The following KIAA1958 variants were observed in gnomAD, a reference collection of about 807,000 sequenced individuals.
KIAA1958 encodes uncharacterized protein KIAA1958.
In KIAA1958, 14 loss-of-function variants were observed where a neutral mutation model predicts 47.2. That is an observed-to-expected ratio of 0.30 (90% CI 0.20 to 0.46). The LOEUF (loss-of-function observed/expected upper bound fraction) is 0.46. Among genes scored for constraint, KIAA1958 ranks in the 20% least tolerant of loss-of-function variants. The probability of loss-of-function intolerance (pLI) is 1.00; values close to 1 mark genes in which losing one functional copy is unlikely to be tolerated. For missense variants in KIAA1958, 803 were observed against 909.2 expected (o/e 0.88, Z 1.50); for synonymous variants, 354 against 353.3 (o/e 1.00, Z -0.02).
At chr9:112,573,072 C>T (rs1159932162) in intron 1 of KIAA1958, among the ~76,000 whole-genome samples, 1 of 152,164 alleles carries the variant, frequency 6.6e-6, no homozygotes, top group Non-Finnish European at 1.5e-5. Context: ...TTGGCAGAGC[C>T]TTACTAACCT....
chr9:112,590,378 T>C (rs1028882671), intron 2 of KIAA1958, among the ~76,000 whole-genome samples: 6 of 146,208 alleles, frequency 4.1e-5, no homozygotes, highest in Non-Finnish European at 9.0e-5. Flanking sequence ...TGAGACGGAA[T>C]GTCACTCTTG....
chr9:112,647,172 A>G (rs1836989094), intron 3 of KIAA1958, among the ~76,000 whole-genome samples: 1 of 148,676 alleles, frequency 6.7e-6, no homozygotes, highest in Non-Finnish European at 1.5e-5. Context: ...CATGGGACCA[A>G]AAAAAAAAAA....
chr9:112,608,059 G>A (rs1417856687), intron 2 of KIAA1958, among the ~76,000 whole-genome samples: 3 of 152,202 alleles, frequency 2.0e-5, no homozygotes, highest in African/African-American at 7.2e-5. Flanking sequence ...ATGGAGAGTG[G>A]CAAAACACTT....
intron 1 of KIAA1958, among the ~76,000 whole-genome samples, chr9:112,525,975 C>T (rs1564159486): frequency 1.7e-3 from 4 of 2,392 alleles, no homozygotes; most frequent in African/African-American, 5.4e-3. Context: ...TCTTCTTCTT[C>T]TTCTTCTTCT....
rs1837378267 is a variant in KIAA1958 at position 112,668,379 on chromosome 9, G to A, written c.*8310G>A. 6.6e-6 allele frequency: 1 copy of A among 152,220 alleles called. No individual in the cohort carries two copies. The highest frequency in any genetic ancestry group is 2.4e-5 in the African/African-American group (1 of 41,466). The allele number at this position is 152,220 out of a possible 1,614,324, so 9.4% of individuals were successfully genotyped here. On this transcript the variant is annotated 3_prime_UTR_variant, in exon 4 of 4. Coordinates refer to ENST00000337530, the MANE Select transcript of KIAA1958 (RefSeq NM_133465.4). ...AATTTCAACAGCAGAAAGATGGCCT[G>A]GGGCAGTGAGATGCTTTCCTTAGCT...
At chr9:112,630,113 A>G (rs1211846732) in intron 2 of KIAA1958, among the ~76,000 whole-genome samples, 1 of 152,232 alleles carries the variant, frequency 6.6e-6, no homozygotes, top group Non-Finnish European at 1.5e-5. Flanking sequence ...AAGGGGAAGC[A>G]TTGCGCATGT....
chr9:112,568,297 T>C (rs7852103), intron 1 of KIAA1958, among the ~76,000 whole-genome samples: 145,436 of 152,236 alleles, frequency 0.96, 69,547 homozygotes, highest in African/African-American at 0.99. Context: ...AAAACCGTGA[T>C]GGGTCATCAC....
Position 112,660,242 on chromosome 9 carries a change from C to T in KIAA1958, c.*173C>T, listed in dbSNP as rs1425111028. Reference sequence around the variant, plus strand: ...TTGGGGTTTGCTTTTTAAAATGAAACTAGATGAGTCTAAATCATTCGGATG... The same window carrying T: ...TTGGGGTTTGCTTTTTAAAATGAAATTAGATGAGTCTAAATCATTCGGATG... On this transcript the variant is annotated 3_prime_UTR_variant, in exon 4 of 4. Transcript: ENST00000337530. 2 of 602,902 alleles carry T rather than the reference C, an allele frequency of 3.3e-6. No homozygotes were observed. Among genetic ancestry groups the T allele is most frequent in the Non-Finnish European group, 5.9e-6 (2 of 339,440 alleles). 37.3% of individuals were successfully genotyped at this position (602,902 alleles called of 1,614,324 possible). A position where few individuals can be genotyped will look rare whatever the true frequency, so the allele number is the denominator to read the frequency against.
chr9:112,559,004 G>T (rs1294299072), intron 1 of KIAA1958, among the ~76,000 whole-genome samples: 1 of 152,180 alleles, frequency 6.6e-6, no homozygotes, highest in African/African-American at 2.4e-5. Context: ...ATACATGCCT[G>T]CATGTTTCAT....
intron 1 of KIAA1958, among the ~76,000 whole-genome samples, chr9:112,504,882 C>T (rs954447077): frequency 1.3e-5 from 2 of 152,012 alleles, no homozygotes; most frequent in Non-Finnish European, 1.5e-5. Context: ...GTGTATAATG[C>T]GTAGTGATCA....
chr9:112,504,725 C>T (rs1033214594), intron 1 of KIAA1958, among the ~76,000 whole-genome samples: 15 of 152,128 alleles, frequency 9.9e-5, no homozygotes, highest in Admixed American at 5.2e-4. Flanking sequence ...TCCAAATTTT[C>T]TCAGTGCCAA....
At chr9:112,506,803 C>A (rs1434718314) in intron 1 of KIAA1958, among the ~76,000 whole-genome samples, 1 of 151,220 alleles carries the variant, frequency 6.6e-6, no homozygotes, top group African/African-American at 2.4e-5. Context: ...CCTTTTTTTG[C>A]CGGATCATGG....
At chr9:112,534,735 G>C (rs754934778) in intron 1 of KIAA1958, among the ~76,000 whole-genome samples, 3 of 151,822 alleles carry the variant, frequency 2.0e-5, no homozygotes, top group Non-Finnish European at 4.4e-5. Flanking sequence ...TTAGAGATGG[G>C]GTTTCTCCAT....
At chr9:112,522,593 T>C (rs1037290189) in intron 1 of KIAA1958, among the ~76,000 whole-genome samples, 7 of 152,192 alleles carry the variant, frequency 4.6e-5, no homozygotes, top group African/African-American at 1.7e-4. Context: ...GTGATTGGCT[T>C]GATATATGTG....
chr9:112,580,558 G>C (rs529292394), intron 2 of KIAA1958, among the ~76,000 whole-genome samples: 65 of 152,264 alleles, frequency 4.3e-4, no homozygotes, highest in African/African-American at 1.5e-3. Context: ...AGGCCAAGGC[G>C]AGTGGATCAC....
chr9:112,522,893 C>T (rs1834573982), intron 1 of KIAA1958, among the ~76,000 whole-genome samples: 1 of 152,160 alleles, frequency 6.6e-6, no homozygotes. Context: ...CTGACATCTA[C>T]CTCTTGGGTT....
At chr9:112,623,230 CT>C (rs1836541982) in intron 2 of KIAA1958, among the ~76,000 whole-genome samples, 1 of 152,198 alleles carries the variant, frequency 6.6e-6, no homozygotes, top group African/African-American at 2.4e-5. Flanking sequence ...ACTATCACCT[CT>C]TGAGCACTGA....
chr9:112,570,266 T>G (rs957355831), intron 1 of KIAA1958, among the ~76,000 whole-genome samples: 1 of 152,234 alleles, frequency 6.6e-6, no homozygotes, highest in South Asian at 2.1e-4. Flanking sequence ...GAATTCTTTT[T>G]ATTTTCTGCT....
In KIAA1958 at chr9:112,664,654, A is replaced by C. The variant is rs1483941896; in HGVS notation, c.*4585A>C. ...TTTAATACTCTGTGTTAAAAGAAAA[A>C]CATTCCATCTTGTAGGCAGTGTTCC... On this transcript the variant is annotated 3_prime_UTR_variant, in exon 4 of 4. Coordinates refer to ENST00000337530, the MANE Select transcript of KIAA1958 (RefSeq NM_133465.4). 1 of 152,230 alleles carries C rather than the reference A, an allele frequency of 6.6e-6. No homozygotes were observed. The highest frequency in any genetic ancestry group is 2.4e-5 in the African/African-American group (1 of 41,464). The allele number at this position is 152,230 out of a possible 1,614,324, so 9.4% of individuals were successfully genotyped here.
Sources: allele counts gnomAD v4.1 joint callset (sites outside exome capture counted in the v4.1 genomes callset), GRCh38; gene constraint gnomAD v4.1.1; transcripts MANE v1.5; gene names NCBI Gene and HGNC (gene_info 2026-07-23, HGNC 2026-07-21).